The following WASF1 variants were observed in gnomAD, a reference collection of about 807,000 sequenced individuals.
The protein encoded by WASF1 is actin-binding protein WASF1.
A neutral mutation model predicts 50.5 loss-of-function variants in WASF1; 7 were observed. The ratio of observed to expected loss-of-function variants is 0.14; its 90% CI spans 0.08 to 0.26. The LOEUF (loss-of-function observed/expected upper bound fraction) is 0.26. Among genes scored for constraint, WASF1 ranks in the 10% least tolerant of loss-of-function variants. WASF1 has a pLI of 1.00. For missense variants in WASF1, 470 were observed against 694.7 expected, an observed-to-expected ratio of 0.68 and a Z score of 3.64; for synonymous variants, 205 against 244.0, an observed-to-expected ratio of 0.84 and a Z score of 1.49.
chr6:110,166,273 T>A lies in WASF1; in HGVS notation c.-126-5541A>T, dbSNP rs1776473998. Among the ~76,000 whole-genome samples, 2 of 151,650 alleles carry A rather than the reference T, an allele frequency of 1.3e-5. 1 individual carries two copies. Among genetic ancestry groups the A allele is most frequent in the Admixed American group, 1.3e-4 (2 of 15,176 alleles). ...AAATGCCCTACAATAATTCTCCTAATCTGAGTCCTCATTTTGACCAAAATA... is the reference window on the plus strand; with the variant it reads ...AAATGCCCTACAATAATTCTCCTAAACTGAGTCCTCATTTTGACCAAAATA... On this transcript the variant is annotated intron_variant, in intron 2 of 10. Transcript: ENST00000392589.
chr6:110,141,204 G>A (rs892881663), intron 3 of WASF1, among the ~76,000 whole-genome samples: 2 of 152,066 alleles, frequency 1.3e-5, no homozygotes, highest in Admixed American at 6.5e-5. Context: ...GTTCCTTGTT[G>A]TCAGGGTAAA....
chr6:110,175,924 CAT>C (rs1776908836), intron 2 of WASF1, among the ~76,000 whole-genome samples: 1 of 152,182 alleles, frequency 6.6e-6, no homozygotes, highest in East Asian at 1.9e-4. Context: ...TAATTATTAA[CAT>C]AATTTTATAA....
intron 3 of WASF1, among the ~76,000 whole-genome samples, chr6:110,132,319 ATATTT>A (rs1262349690): frequency 2.0e-5 from 3 of 151,968 alleles, no homozygotes; most frequent in African/African-American, 7.2e-5. Context: ...TCCATTTTAT[ATATTT>A]TATTTCTTTT....
At chr6:110,115,318 G>A (rs967606610) in intron 4 of WASF1, among the ~76,000 whole-genome samples, 3 of 151,866 alleles carry the variant, frequency 2.0e-5, no homozygotes, top group Non-Finnish European at 4.4e-5. Flanking sequence ...AAATGCAGTC[G>A]GGTTTATCAT....
In WASF1 at chr6:110,116,742, G is replaced by A. The variant is rs903755106; in HGVS notation, c.134-3282C>T. ...CTCCTCAAGTGGGTCCCTGACCCCC[G>A]TGTAGCCTGACTGGGGAACACCTCC... is the stretch of plus-strand genomic sequence containing the variant. On this transcript the variant is annotated intron_variant, in intron 4 of 10. Coordinates refer to ENST00000392589, the MANE Select transcript of WASF1 (RefSeq NM_003931.3). 2.6e-5 allele frequency among the ~76,000 whole-genome samples: 4 copies of A among 152,070 alleles called. No individual in the cohort carries two copies. The East Asian group carries it at 7.7e-4, about 29-fold the overall frequency.
rs1776840030 is a variant in WASF1, at chr6:110,174,369, A to G, written c.-127+4229T>C. ...AGAATAGAGACCTGTCCTTTTTAGC[A>G]CCTACTTGGCCCTCAATAATTATGT... On this transcript the variant is annotated intron_variant, in intron 2 of 10. Coordinates refer to ENST00000392589, the MANE Select transcript of WASF1 (RefSeq NM_003931.3). 2.6e-5 allele frequency among the ~76,000 whole-genome samples: 4 copies of G among 152,250 alleles called. No individual in the cohort carries two copies. In the South Asian group the frequency reaches 6.2e-4, roughly 24 times the overall value.
chr6:110,113,221 G>T, intron 5 of WASF1, 105 bp downstream of exon 5: 1 of 1,010,998 alleles, frequency 9.9e-7, no homozygotes, highest in Non-Finnish European at 1.3e-6. Flanking sequence ...AAAGGACATG[G>T]GTATGATCTG....
intron 3 of WASF1, among the ~76,000 whole-genome samples, chr6:110,132,856 T>C (rs1168988306): frequency 1.3e-5 from 2 of 151,726 alleles, no homozygotes; most frequent in South Asian, 2.1e-4. Flanking sequence ...TTGCTATGAA[T>C]GTCATTATTT....
At chr6:110,172,714 A>T (rs1035048883) in intron 2 of WASF1, among the ~76,000 whole-genome samples, 2 of 152,172 alleles carry the variant, frequency 1.3e-5, no homozygotes, top group Non-Finnish European at 2.9e-5. Flanking sequence ...TCTCATTTAT[A>T]AGTGGGAGCT....
chr6:110,107,053 C>A, intron 7 of WASF1, 24 bp downstream of exon 7: 1 of 1,517,930 alleles, frequency 6.6e-7, no homozygotes, highest in Non-Finnish European at 9.0e-7. Flanking sequence ...AAATTAACCT[C>A]AATTTTTTAA....
At chr6:110,141,771 T>A (rs186587331) in intron 3 of WASF1, among the ~76,000 whole-genome samples, 16 of 151,264 alleles carry the variant, frequency 1.1e-4, no homozygotes, top group Non-Finnish European at 2.4e-4. Context: ...CATACACTTA[T>A]CTTTTTTTTT....
intron 2 of WASF1, among the ~76,000 whole-genome samples, chr6:110,166,789 C>T (rs1364307097): frequency 6.6e-6 from 1 of 151,934 alleles, no homozygotes; most frequent in Non-Finnish European, 1.5e-5. Context: ...TGTGGCTAGT[C>T]CTGCCTTCTT....
At chr6:110,134,610 G>A (rs1212253181) in intron 3 of WASF1, among the ~76,000 whole-genome samples, 1 of 151,866 alleles carries the variant, frequency 6.6e-6, no homozygotes, top group Non-Finnish European at 1.5e-5. Flanking sequence ...ATTTTTAGTA[G>A]AGACAGGGTT....
chr6:110,130,560 TTTCA>T (rs1341230861), intron 3 of WASF1, among the ~76,000 whole-genome samples: 1 of 152,208 alleles, frequency 6.6e-6, no homozygotes. Flanking sequence ...GGTTGTTCAT[TTTCA>T]TTGCTGTATA....
chr6:110,179,155 CCA>C (rs1305352745), intron 1 of WASF1, among the ~76,000 whole-genome samples: 1 of 152,140 alleles, frequency 6.6e-6, no homozygotes. Context: ...CAGGTGACAC[CCA>C]CAGTCTCTCC....
At position 110,129,487 on chromosome 6, in the gene WASF1, G is replaced by A. The variant is rs552757665; in HGVS notation, c.-28-1858C>T. ...ACAGACATAAATGAGGAATGTGGTT[G>A]TGACAAAAAGAAGGAATATGTTCCA... On this transcript the variant is annotated intron_variant, in intron 3 of 10. Coordinates refer to ENST00000392589, the MANE Select transcript of WASF1 (RefSeq NM_003931.3). Among the ~76,000 whole-genome samples the A allele has an allele frequency of 5.3e-5, 8 of 152,282 alleles. No homozygotes were observed. In the East Asian group the frequency reaches 1.4e-3, roughly 26 times the overall value.
chr6:110,160,027 T>C (rs1348934830), intron 3 of WASF1, among the ~76,000 whole-genome samples: 3 of 151,882 alleles, frequency 2.0e-5, no homozygotes, highest in Non-Finnish European at 2.9e-5. Flanking sequence ...ACCTTTTACA[T>C]TCAAAAATAC....
At chr6:110,178,440 G>A (rs1222480437) in intron 2 of WASF1, among the ~76,000 whole-genome samples, 158 bp downstream of exon 2, 1 of 151,974 alleles carries the variant, frequency 6.6e-6, no homozygotes, top group African/African-American at 2.4e-5. Context: ...AACATTAGAC[G>A]GATTGAATAA....
At chr6:110,115,929 T>A (rs553750469) in intron 4 of WASF1, among the ~76,000 whole-genome samples, 27 of 152,182 alleles carry the variant, frequency 1.8e-4, no homozygotes, top group African/African-American at 6.5e-4. Flanking sequence ...CGTGGCAAGG[T>A]ATGGATCTTG....
Sources: allele counts gnomAD v4.1 joint callset (sites outside exome capture counted in the v4.1 genomes callset), GRCh38; gene constraint gnomAD v4.1.1; transcripts MANE v1.5; gene names NCBI Gene and HGNC (gene_info 2026-07-23, HGNC 2026-07-21).